PIAS1: variants seen among roughly 807,000 people sequenced by gnomAD.
The protein encoded by PIAS1 is protein inhibitor of activated STAT 1.
In PIAS1, 6 loss-of-function variants were observed where a neutral mutation model predicts 71.3. The ratio of observed to expected loss-of-function variants is 0.08; its 90% CI spans 0.05 to 0.17. The LOEUF (loss-of-function observed/expected upper bound fraction) is 0.17. PIAS1 is among the 10% of genes least tolerant of loss of function. The pLI is 1.00. For missense variants in PIAS1, 555 were observed against 793.6 expected, an observed-to-expected ratio of 0.70 and a Z score of 3.61; for synonymous variants, 303 against 292.9, an observed-to-expected ratio of 1.03 and a Z score of -0.35.
chr15:68,119,624 T>G (rs1443400078), intron 2 of PIAS1, among the ~76,000 whole-genome samples: 10 of 152,216 alleles, frequency 6.6e-5, no homozygotes, highest in Non-Finnish European at 8.8e-5. Flanking sequence ...TGTGTGCATT[T>G]GAAAAAATAC....
At chr15:68,165,656 C>T (rs970486593) in intron 8 of PIAS1, among the ~76,000 whole-genome samples, 5 of 152,132 alleles carry the variant, frequency 3.3e-5, no homozygotes, top group Admixed American at 2.6e-4. Context: ...GGTCCCAAGA[C>T]TTAGCCAAAT....
rs2092526172 is a variant in PIAS1, at chr15:68,111,961, T to TA, written c.469+25212dup. Among the ~76,000 whole-genome samples, 5 of 152,288 alleles carry TA rather than the reference T, an allele frequency of 3.3e-5. 1 individual carries two copies. The highest frequency in any genetic ancestry group is 1.2e-4 in the African/African-American group (5 of 41,572). ...ACTTTCTTAGGTGACTTTTGTATCT[T>TA]ATTCTCTTACTACATACTTCCAACA... On this transcript the variant is annotated intron_variant, in intron 2 of 13. Transcript: ENST00000249636.
intron 2 of PIAS1, among the ~76,000 whole-genome samples, chr15:68,137,751 A>G (rs2141041921): frequency 6.6e-6 from 1 of 152,328 alleles, no homozygotes; most frequent in South Asian, 2.1e-4. Context: ...GTATGGATTA[A>G]CTACTAGAAA....
chr15:68,056,531 C>G (rs1441674880), intron 1 of PIAS1, among the ~76,000 whole-genome samples: 1 of 150,880 alleles, frequency 6.6e-6, no homozygotes, highest in Non-Finnish European at 1.5e-5. Flanking sequence ...TTTTTTTCTA[C>G]TCTTATGTTC....
chr15:68,112,796 A>G (rs6416489), intron 2 of PIAS1, among the ~76,000 whole-genome samples: 152,245 of 152,284 alleles, frequency 1, 76,103 homozygotes, highest in Middle Eastern at 1. Context: ...CAATTTTTAC[A>G]AGAGCTTTAA....
intron 2 of PIAS1, among the ~76,000 whole-genome samples, chr15:68,090,293 C>T (rs1056946579): frequency 6.6e-6 from 1 of 151,998 alleles, no homozygotes; most frequent in Admixed American, 6.6e-5. Context: ...GCCTTAACCT[C>T]CCTGGCTCAT....
At chr15:68,080,398 C>CT (rs2092217955) in intron 1 of PIAS1, among the ~76,000 whole-genome samples, 1 of 152,112 alleles carries the variant, frequency 6.6e-6, no homozygotes, top group African/African-American at 2.4e-5. Context: ...AGATAATTAA[C>CT]TAGAGGAGTA....
intron 2 of PIAS1, among the ~76,000 whole-genome samples, chr15:68,136,634 T>A: frequency 6.6e-6 from 1 of 152,152 alleles, no homozygotes; most frequent in East Asian, 1.9e-4. Flanking sequence ...TCCAGATATA[T>A]TAAATAATTA....
intron 8 of PIAS1, 126 bp downstream of exon 8, chr15:68,164,930 G>A (rs1354902646): frequency 8.7e-6 from 5 of 574,562 alleles, no homozygotes; most frequent in African/African-American, 7.4e-5. Context: ...TACAGTTTAT[G>A]AAAAGTGGAA....
chr15:68,101,402 G>T (rs1247956388), intron 2 of PIAS1, among the ~76,000 whole-genome samples: 1 of 150,002 alleles, frequency 6.7e-6, no homozygotes, highest in East Asian at 2.0e-4. Context: ...TCCTTCGTTG[G>T]GTTTGTGGTT....
chr15:68,099,408 GT>G (rs1035899228), intron 2 of PIAS1, among the ~76,000 whole-genome samples: 1 of 150,844 alleles, frequency 6.6e-6, no homozygotes, highest in East Asian at 1.9e-4. Flanking sequence ...TGTCTTTTGA[GT>G]TTTTTTTATG....
intron 1 of PIAS1, among the ~76,000 whole-genome samples, chr15:68,070,368 T>C (rs1025528164): frequency 6.6e-5 from 10 of 152,320 alleles, no homozygotes; most frequent in Admixed American, 2.0e-4. Context: ...GAGGTTGTAG[T>C]TGGAAAATGA....
chr15:68,167,678 G>T lies in PIAS1; in HGVS notation c.1008+2874G>T, dbSNP rs2141082096. Among the ~76,000 whole-genome samples, 1 of 152,164 alleles carries T rather than the reference G, an allele frequency of 6.6e-6. No individual in the cohort carries two copies. The highest frequency in any genetic ancestry group is 2.1e-4 in the South Asian group (1 of 4,812). On this transcript the variant is annotated intron_variant, in intron 8 of 13. Coordinates refer to ENST00000249636, the MANE Select transcript of PIAS1 (RefSeq NM_016166.3). The surrounding 1 kb of genome is among the most constrained non-coding windows in gnomAD (Gnocchi z 4.4). ...ATGTATTTATGAAATATTTATTATTGTGAAAAAAACTTGTGAAATTATTCT... is the reference window on the plus strand; with the variant it reads ...ATGTATTTATGAAATATTTATTATTTTGAAAAAAACTTGTGAAATTATTCT...
chr15:68,141,110 G>A (rs904183260), intron 2 of PIAS1, among the ~76,000 whole-genome samples: 4 of 152,228 alleles, frequency 2.6e-5, no homozygotes, highest in African/African-American at 9.6e-5. Context: ...GGGTGAGGCA[G>A]GAGGATCACT....
intron 2 of PIAS1, among the ~76,000 whole-genome samples, chr15:68,088,176 GTATATATATATA>G (rs71455574): frequency 2.1e-4 from 15 of 72,998 alleles, no homozygotes; most frequent in East Asian, 1.5e-3. Context: ...TTATGTGTGT[GTATATATATATA>G]TATATATATA....
At chr15:68,126,916 A>T (rs1052473780) in intron 2 of PIAS1, among the ~76,000 whole-genome samples, 1 of 149,170 alleles carries the variant, frequency 6.7e-6, no homozygotes, top group Non-Finnish European at 1.5e-5. Context: ...ATGTCTGTTC[A>T]TTTTTTTTGA....
At chr15:68,111,388 A>G (rs1377292027) in intron 2 of PIAS1, among the ~76,000 whole-genome samples, 1 of 152,204 alleles carries the variant, frequency 6.6e-6, no homozygotes, top group Non-Finnish European at 1.5e-5. Flanking sequence ...GTATCTCTAT[A>G]TATTGCAGGG....
chr15:68,140,739 AT>A (rs1428759947), intron 2 of PIAS1, among the ~76,000 whole-genome samples: 2 of 152,198 alleles, frequency 1.3e-5, no homozygotes, highest in African/African-American at 4.8e-5. Context: ...TCTTGCAAGT[AT>A]GATCAAACTC....
intron 2 of PIAS1, among the ~76,000 whole-genome samples, chr15:68,088,206 T>TATATATATATATATATA (rs1555424847): frequency 3.1e-5 from 1 of 32,710 alleles, no homozygotes; most frequent in Non-Finnish European, 5.6e-5. Flanking sequence ...ATATATCCCA[T>TATATATATATATATATA]TTTAAATTAA....
Sources: allele counts gnomAD v4.1 joint callset (sites outside exome capture counted in the v4.1 genomes callset), GRCh38; gene constraint gnomAD v4.1.1; non-coding constraint Gnocchi (gnomAD v3.1); transcripts MANE v1.5; gene names NCBI Gene and HGNC (gene_info 2026-07-23, HGNC 2026-07-21).